Variants in SND1 observed in about 807,000 individuals in gnomAD.
SND1 encodes the protein staphylococcal nuclease domain-containing protein 1.
A neutral mutation model predicts 121.7 loss-of-function variants in SND1; 38 were observed. The ratio of observed to expected loss-of-function variants is 0.31; its 90% confidence interval spans 0.24 to 0.41. SND1 has a LOEUF of 0.41. SND1 is among the 10% of genes least tolerant of loss of function. The pLI, the probability that SND1 is intolerant of heterozygous loss-of-function variation, is 1.00. For missense variants in SND1, 868 were observed against 1,184.6 expected (o/e 0.73, Z 3.92); for synonymous variants, 401 against 447.4 (o/e 0.90, Z 1.31).
intron 10 of SND1, among the ~76,000 whole-genome samples, chr7:127,781,657 T>G (rs1172095497): frequency 6.6e-6 from 1 of 152,222 alleles, no homozygotes; most frequent in Non-Finnish European, 1.5e-5. Flanking sequence ...TATAAGTCCT[T>G]CCTTTTAGCC....
At chr7:127,866,559 C>T (rs1036593932) in intron 12 of SND1, among the ~76,000 whole-genome samples, 4 of 152,156 alleles carry the variant, frequency 2.6e-5, no homozygotes, top group Non-Finnish European at 5.9e-5. Flanking sequence ...TCCTTCTACT[C>T]TTGCCATCCC....
In SND1 at chr7:127,717,907, C is replaced by T. The variant is rs529646879; in HGVS notation, c.1039-3380C>T. Among the ~76,000 whole-genome samples the T allele has an allele frequency of 4.9e-4, 75 of 152,266 alleles. 1 individual carries two copies. The highest frequency in any genetic ancestry group is 1.0e-3 in the Non-Finnish European group (71 of 68,026). On this transcript the variant is annotated intron_variant, in intron 9 of 23. Transcript: ENST00000354725. The stretch of plus-strand genomic sequence containing the variant: ...ACAGCAGCCCGTTGCACCCAGTGAG[C>T]GCTGTGGATGGGCTGTACAGATGAG...
intron 17 of SND1, among the ~76,000 whole-genome samples, chr7:128,075,641 G>T (rs1476108925): frequency 6.6e-6 from 1 of 152,178 alleles, no homozygotes; most frequent in Non-Finnish European, 1.5e-5. Context: ...TGGGGATTGG[G>T]GCAGGCAACC....
At chr7:128,030,689 A>G in intron 16 of SND1, 2 of 1,524,220 alleles carry the variant, frequency 1.3e-6, no homozygotes, top group Non-Finnish European at 1.8e-6. Context: ...TGGCTCGGAA[A>G]GGAGAACCAG....
At chr7:127,802,782 C>T (rs139626938) in intron 10 of SND1, among the ~76,000 whole-genome samples, 266 of 152,336 alleles carry the variant, frequency 1.7e-3, no homozygotes, top group African/African-American at 6.1e-3. Context: ...CTCCGTTCGT[C>T]TATTCTACTG....
intron 12 of SND1, among the ~76,000 whole-genome samples, chr7:127,878,312 C>T (rs1485532250): frequency 6.6e-6 from 1 of 152,170 alleles, no homozygotes; most frequent in African/African-American, 2.4e-5. Flanking sequence ...TAAATATGAA[C>T]TAAAACTTAT....
At chr7:127,740,417 A>G (rs191452578) in intron 10 of SND1, among the ~76,000 whole-genome samples, 9 of 152,334 alleles carry the variant, frequency 5.9e-5, no homozygotes, top group Admixed American at 5.2e-4. Flanking sequence ...CCATGAACTC[A>G]TCAGTGTCTC....
intron 10 of SND1, among the ~76,000 whole-genome samples, chr7:127,787,488 A>G (rs1028584374): frequency 6.6e-6 from 1 of 152,112 alleles, no homozygotes; most frequent in African/African-American, 2.4e-5. Flanking sequence ...TTGCCTTCCA[A>G]TTTTTAAGGC....
rs1793599504 is a variant in SND1, at chr7:128,081,380, G to A, written c.1989G>A (p.Glu663=). Residue 663 remains glutamate (E), a synonymous_variant, in exon 18 of 24, where the codon GAG becomes GAA. Coordinates refer to ENST00000354725, the MANE Select transcript of SND1 (RefSeq NM_014390.4). ...KKEKVWAHYE[E]QPVEEVMPVL... ...TGCAGGTCTGGGCCCACTATGAGGA[G>A]CAGCCCGTGGAGGAGGTGATGCCAG... is the stretch of plus-strand genomic sequence containing the variant. 1 of 1,614,196 alleles carries A rather than the reference G, an allele frequency of 6.2e-7. No homozygotes were observed. The highest frequency in any genetic ancestry group is 8.5e-7 in the Non-Finnish European group (1 of 1,180,038).
intron 3 of SND1, among the ~76,000 whole-genome samples, chr7:127,697,654 C>A (rs1796029403): frequency 6.6e-6 from 1 of 152,202 alleles, no homozygotes; most frequent in South Asian, 2.1e-4. Context: ...GATCCACACT[C>A]ACCCTCGGAA....
At chr7:127,715,717 C>T (rs1246149616) in intron 9 of SND1, among the ~76,000 whole-genome samples, 1 of 152,164 alleles carries the variant, frequency 6.6e-6, no homozygotes, top group Non-Finnish European at 1.5e-5. Flanking sequence ...ACAAAATTTT[C>T]ATGAAATCTA....
intron 10 of SND1, among the ~76,000 whole-genome samples, chr7:127,786,134 C>A (rs1392200453): frequency 2.6e-5 from 4 of 151,336 alleles, no homozygotes; most frequent in Non-Finnish European, 4.4e-5. Context: ...CCTGCTTCTT[C>A]AATTATCCTT....
At chr7:127,957,832 C>T (rs1182242687) in intron 15 of SND1, among the ~76,000 whole-genome samples, 1 of 152,186 alleles carries the variant, frequency 6.6e-6, no homozygotes, top group Non-Finnish European at 1.5e-5. Context: ...TCCCAAGTAG[C>T]TGGGATTACA....
At chr7:128,039,511 A>C (rs1356352227) in intron 16 of SND1, among the ~76,000 whole-genome samples, 4 of 152,082 alleles carry the variant, frequency 2.6e-5, no homozygotes, top group African/African-American at 7.2e-5. Context: ...ATACTGGAAA[A>C]ATGAAGGAGA....
chr7:127,758,217 T>C (rs1797234169), intron 10 of SND1, among the ~76,000 whole-genome samples: 1 of 152,256 alleles, frequency 6.6e-6, no homozygotes, highest in Non-Finnish European at 1.5e-5. Context: ...TTGTTGATTA[T>C]GTACTGCTAG....
intron 11 of SND1, among the ~76,000 whole-genome samples, chr7:127,839,003 A>G (rs1257215337): frequency 6.6e-6 from 1 of 152,242 alleles, no homozygotes; most frequent in East Asian, 1.9e-4. Flanking sequence ...TGTGTTAAAC[A>G]TAAGCAGAGA....
At chr7:127,858,406 G>A (rs1799321956) in intron 12 of SND1, 5 of 1,135,174 alleles carry the variant, frequency 4.4e-6, no homozygotes, top group Non-Finnish European at 6.4e-6. Context: ...GTCCCTCCAA[G>A]AAGGCTTGGG....
chr7:127,967,530 T>C (rs1332628442), intron 15 of SND1, among the ~76,000 whole-genome samples: 3 of 152,212 alleles, frequency 2.0e-5, no homozygotes, highest in Non-Finnish European at 4.4e-5. Flanking sequence ...TTCTTCATGC[T>C]TCACAAACTT....
At position 128,029,334 on chromosome 7, in the gene SND1, G is replaced by A. The variant is rs774982699; in HGVS notation, c.1779+38278G>A. On this transcript the variant is annotated intron_variant, in intron 16 of 23. Transcript: ENST00000354725. This position sits in a 1 kb window ranked among gnomAD's most constrained non-coding sequence, Gnocchi z 4.2. ...AGCCGTGCTCACATTGAGGTAGGCC[G>A]AGGCGTTGGAGTTGCCTGCAACATT... The A allele has an allele frequency of 1.9e-6, 3 of 1,614,178 alleles. No individual in the cohort carries two copies. Among genetic ancestry groups the A allele is most frequent in the Non-Finnish European group, 2.5e-6 (3 of 1,180,036 alleles).
Sources: gnomAD v4.1 joint callset for allele counts (sites outside exome capture counted in the v4.1 genomes callset) on GRCh38, gnomAD v4.1.1 for gene constraint, Gnocchi (gnomAD v3.1) non-coding constraint, MANE v1.5 for transcripts, NCBI Gene and HGNC (gene_info 2026-07-23, HGNC 2026-07-21) for gene names.